The following SPATA13 variants were observed in gnomAD, a reference collection of about 807,000 sequenced individuals.
SPATA13 encodes spermatogenesis associated 13, also known as spermatogenesis-associated protein 13.
A neutral mutation model predicts 104.0 loss-of-function variants in SPATA13; 50 were observed. The observed-to-expected ratio is 0.48, with a 90% CI of 0.38 to 0.61. The LOEUF (loss-of-function observed/expected upper bound fraction) is 0.61, where lower values mean the gene tolerates loss of function less well. SPATA13 is among the 20% of genes least tolerant of loss of function. SPATA13 has a pLI of 0.00. For synonymous variants in SPATA13, 606 were observed against 667.5 expected (o/e 0.91, Z 1.42); for missense variants, 1,524 against 1,690.6 (o/e 0.90, Z 1.73).
At position 24,135,189 on chromosome 13, in the gene SPATA13, A is replaced by C. The variant is rs76816055; in HGVS notation, c.-111-87630A>C. 5.0e-3 allele frequency among the ~76,000 whole-genome samples: 760 copies of C among 150,498 alleles called. 20 individuals carry two copies. The East Asian group carries it at 0.087, about 17-fold the overall frequency. ...TAGCTCGTGATACTTTGTTAAGGCA[A>C]CCCTAACAAATGAATACACTCATTA... On this transcript the variant is annotated intron_variant, in intron 3 of 14. Coordinates refer to the SPATA13 transcript ENST00000424834.
At chr13:24,246,458 G>T (rs7332336) in intron 2 of SPATA13, among the ~76,000 whole-genome samples, 11 of 152,018 alleles carry the variant, frequency 7.2e-5, no homozygotes, top group Admixed American at 1.3e-4. Context: ...GAATTTTAAG[G>T]CCTGTGAATT....
At chr13:24,006,750 G>T (rs1412610914) in intron 2 of SPATA13, among the ~76,000 whole-genome samples, 1 of 152,172 alleles carries the variant, frequency 6.6e-6, no homozygotes, top group African/African-American at 2.4e-5. Flanking sequence ...AGAGCACCGG[G>T]ACACGCAGCC....
At chr13:24,004,508 T>C (rs115786558) in intron 2 of SPATA13, among the ~76,000 whole-genome samples, 3,831 of 152,184 alleles carry the variant, frequency 0.025, 151 homozygotes, top group African/African-American at 0.087. Flanking sequence ...GAGGGGCTCC[T>C]CACAGGGGCG....
chr13:24,017,534 A>G (rs1031957526), intron 2 of SPATA13: 26 of 197,340 alleles, frequency 1.3e-4, no homozygotes, highest in African/African-American at 6.2e-4. Flanking sequence ...ATATACACAC[A>G]TATGTATATA....
At position 24,223,053 on chromosome 13, in the gene SPATA13, G is replaced by T. The variant is rs1313171903; in HGVS notation, c.124G>T (p.Val42Leu). 1.9e-6 allele frequency: 3 copies of T among 1,551,626 alleles called. No individual in the cohort carries two copies. The highest frequency in any genetic ancestry group is 1.4e-5 in the African/African-American group (1 of 73,056). Residue 42 changes from valine to leucine, a missense_variant, in exon 2 of 13, where the codon GTG (valine) becomes TTG (leucine). Coordinates refer to ENST00000382108, the MANE Select transcript of SPATA13 (RefSeq NM_001166271.3). Reference sequence around the variant, plus strand: ...CTCGGACCTGAAAGACGCCAAGATGGTGACCTCCCTTGCGTGTGGAAATGG... The same window carrying T: ...CTCGGACCTGAAAGACGCCAAGATGTTGACCTCCCTTGCGTGTGGAAATGG... ...AGSDLKDAKM[V>L]TSLACGNGVC...
chr13:24,212,232 T>A (rs932217620), intron 1 of SPATA13, among the ~76,000 whole-genome samples: 5 of 150,812 alleles, frequency 3.3e-5, no homozygotes, highest in African/African-American at 1.2e-4. Flanking sequence ...GAGCTGTGAT[T>A]GGGCCACTCC....
rs764546385 is a variant in SPATA13, at chr13:24,278,752, G to T, written c.2165-5383G>T. On this transcript the variant is annotated intron_variant, in intron 4 of 12. Coordinates refer to ENST00000382108, the MANE Select transcript of SPATA13 (RefSeq NM_001166271.3). Reference sequence around the variant, plus strand: ...GGTGAAAAAACAAAGAAAGAAACTTGACCAAGGACTCATACTCAAAAAAGA... The same window carrying T: ...GGTGAAAAAACAAAGAAAGAAACTTTACCAAGGACTCATACTCAAAAAAGA... The T allele has an allele frequency of 5.6e-6, 9 of 1,594,530 alleles. No homozygotes were observed. The East Asian group carries it at 1.8e-4, about 32-fold the overall frequency.
rs552091309 is a variant in SPATA13, at chr13:24,006,882, C to T, written c.-146-10785C>T. ...TGTAGGGGGAGAGGATGCCCCCGCT[C>T]GGCAATTAACACGAAGCCCCTCTCT... On this transcript the variant is annotated intron_variant, in intron 2 of 14. Coordinates refer to the SPATA13 transcript ENST00000424834. Among the ~76,000 whole-genome samples, 7 of 152,300 alleles carry T rather than the reference C, an allele frequency of 4.6e-5. No individual in the cohort carries two copies. The South Asian group carries it at 8.3e-4, about 18-fold the overall frequency.
chr13:24,258,705 G>C (rs1873913731), intron 4 of SPATA13, among the ~76,000 whole-genome samples: 1 of 152,086 alleles, frequency 6.6e-6, no homozygotes, highest in South Asian at 2.1e-4. Flanking sequence ...TTAGAGATAT[G>C]AGTGAGGAAT....
At chr13:24,164,383 G>A (rs547362976) in intron 1 of SPATA13, among the ~76,000 whole-genome samples, 1 of 152,146 alleles carries the variant, frequency 6.6e-6, no homozygotes, top group Admixed American at 6.5e-5. Flanking sequence ...GAACCTGCAG[G>A]GTATTGTTGA....
chr13:24,200,702 T>C (rs541900387), intron 1 of SPATA13, among the ~76,000 whole-genome samples: 1 of 87,568 alleles, frequency 1.1e-5, no homozygotes, highest in East Asian at 3.5e-4. Context: ...GGTGGTCCCC[T>C]TAAATTACAC....
chr13:24,075,916 T>C (rs1879309698), intron 3 of SPATA13, among the ~76,000 whole-genome samples: 1 of 152,194 alleles, frequency 6.6e-6, no homozygotes, highest in Admixed American at 6.5e-5. Context: ...AAATAATTTC[T>C]GCAGAAGAAT....
chr13:24,074,678 A>G (rs1879270740), intron 3 of SPATA13, among the ~76,000 whole-genome samples: 2 of 152,174 alleles, frequency 1.3e-5, no homozygotes, highest in African/African-American at 4.8e-5. Context: ...ACTTGCTCAA[A>G]TAACTGAATC....
chr13:24,212,182 G>A (rs1871057774), intron 1 of SPATA13, among the ~76,000 whole-genome samples: 1 of 152,092 alleles, frequency 6.6e-6, no homozygotes, highest in Non-Finnish European at 1.5e-5. Context: ...GGAGGCCAAG[G>A]AGGGAGGATT....
intron 2 of SPATA13, among the ~76,000 whole-genome samples, chr13:24,238,534 C>T (rs1007175582): frequency 6.6e-6 from 1 of 152,030 alleles, no homozygotes; most frequent in African/African-American, 2.4e-5. Flanking sequence ...AGTCCCTTTT[C>T]TGGCCATTTG....
rs748860400 is a variant in SPATA13 at position 24,249,604 on chromosome 13, G to C, written c.1781G>C (p.Gly594Ala). 1 of 1,613,978 alleles carries C rather than the reference G, an allele frequency of 6.2e-7. No homozygotes were observed. The highest frequency in any genetic ancestry group is 1.1e-5 in the South Asian group (1 of 91,082). ...AGGCCTCGGCCATTCTCTGACTACG[G>C]CCAGCTGGCCAGCCGCAGTTTGTCT... ...RPRPRPFSDY[G>A]QLASRSLSIP... The change falls in exon 3 of 13, where the codon GGC becomes GCC. Residue 594 changes from glycine to alanine, a missense_variant. Physicochemically the swap from Gly to Ala is moderately conservative, Grantham distance 60. Transcript: ENST00000382108.
At chr13:24,037,579 T>C (rs1877746401) in intron 3 of SPATA13, among the ~76,000 whole-genome samples, 1 of 151,814 alleles carries the variant, frequency 6.6e-6, no homozygotes, top group African/African-American at 2.4e-5. Context: ...CTGGCTAATT[T>C]TTGTATTTTT....
chr13:24,065,562 G>A (rs1364213197), intron 3 of SPATA13, among the ~76,000 whole-genome samples: 1 of 149,608 alleles, frequency 6.7e-6, no homozygotes, highest in Non-Finnish European at 1.5e-5. Context: ...ATGAATATTA[G>A]CAAGTAACAT....
At chr13:24,075,302 A>G (rs1483865600) in intron 3 of SPATA13, among the ~76,000 whole-genome samples, 3 of 152,212 alleles carry the variant, frequency 2.0e-5, no homozygotes. Flanking sequence ...CTTATTTTAC[A>G]TAATTATATC....
Sources: allele counts gnomAD v4.1 joint callset (sites outside exome capture counted in the v4.1 genomes callset), GRCh38; gene constraint gnomAD v4.1.1; transcripts MANE v1.5; gene names NCBI Gene and HGNC (gene_info 2026-07-23, HGNC 2026-07-21).